RASGRF2: variants seen among roughly 807,000 people sequenced by gnomAD.
RASGRF2 encodes the protein Ras protein specific guanine nucleotide releasing factor 2.
RASGRF2 carries 76 observed loss-of-function variants against 151.0 expected under a neutral mutation model. The ratio of observed to expected loss-of-function variants is 0.50; its 90% confidence interval spans 0.42 to 0.61. The LOEUF is 0.61. RASGRF2 is among the 20% of genes least tolerant of loss of function. The pLI, the probability that RASGRF2 is intolerant of heterozygous loss-of-function variation, is 0.00. For synonymous variants in RASGRF2, 504 were observed against 566.5 expected (o/e 0.89, Z 1.57); for missense variants, 1,148 against 1,564.6 (o/e 0.73, Z 4.49).
intron 1 of RASGRF2, among the ~76,000 whole-genome samples, chr5:81,002,732 T>C (rs1749118429): frequency 6.6e-6 from 1 of 152,208 alleles, no homozygotes; most frequent in Non-Finnish European, 1.5e-5. Context: ...GCCATAATCT[T>C]TCAGGATATT....
chr5:81,073,092 T>A, intron 4 of RASGRF2, 107 bp from the exon 5 acceptor site: 1 of 1,332,486 alleles, frequency 7.5e-7, no homozygotes, highest in Non-Finnish European at 1.0e-6. Flanking sequence ...TTTTAGAGGT[T>A]ATCATGTTTT....
chr5:81,140,962 A>C (rs1232835179), intron 17 of RASGRF2, among the ~76,000 whole-genome samples: 1 of 150,566 alleles, frequency 6.6e-6, no homozygotes, highest in Non-Finnish European at 1.5e-5. Flanking sequence ...GGGCTGCAGG[A>C]CTAGGGCTGT....
intron 17 of RASGRF2, among the ~76,000 whole-genome samples, chr5:81,162,106 C>T (rs1754398253): frequency 6.7e-6 from 1 of 149,226 alleles, no homozygotes; most frequent in Non-Finnish European, 1.5e-5. Flanking sequence ...GCCTGATTTA[C>T]TGAGGAAGGT....
At position 81,104,724 on chromosome 5, in the gene RASGRF2, C is replaced by CAGAA. The variant is rs143266551; in HGVS notation, c.1756-4272_1756-4271insAGAA. On this transcript the variant is annotated intron_variant, in intron 12 of 26. Coordinates refer to ENST00000265080, the MANE Select transcript of RASGRF2 (RefSeq NM_006909.3). Reference sequence around the variant, plus strand: ...TGATCAAAAATGTCTCAGTGTGTCTCTTCTGTTTTTCTCCACAAAGCCTTT... The same window carrying CAGAA: ...TGATCAAAAATGTCTCAGTGTGTCTCAGAATTCTGTTTTTCTCCACAAAGCCTTT... 5.6e-3 allele frequency among the ~76,000 whole-genome samples: 848 copies of CAGAA among 152,252 alleles called. 7 individuals are homozygous for CAGAA. The highest frequency in any genetic ancestry group is 0.02 in the African/African-American group (823 of 41,548).
At chr5:81,127,308 G>A (rs1753484078) in intron 17 of RASGRF2, 145 bp downstream of exon 17, 1 of 816,862 alleles carries the variant, frequency 1.2e-6, no homozygotes, top group South Asian at 1.9e-5. Flanking sequence ...AGGATTGCTT[G>A]AGACCAGTAG....
chr5:80,978,080 C>T (rs6880635), intron 1 of RASGRF2, among the ~76,000 whole-genome samples: 4,318 of 152,052 alleles, frequency 0.028, 146 homozygotes, highest in East Asian at 0.15. Flanking sequence ...CTTTCTGGTA[C>T]GTAAATCCTT....
At chr5:81,034,492 A>T (rs1750393655) in intron 1 of RASGRF2, among the ~76,000 whole-genome samples, 1 of 152,068 alleles carries the variant, frequency 6.6e-6, no homozygotes. Flanking sequence ...ATAAAGACAC[A>T]TGCACACGTA....
intron 18 of RASGRF2, among the ~76,000 whole-genome samples, chr5:81,180,991 C>T (rs113056825): frequency 6.6e-6 from 1 of 152,124 alleles, no homozygotes; most frequent in Non-Finnish European, 1.5e-5. Context: ...CAGGCAGGCC[C>T]TCCTGGACAC....
At chr5:81,175,686 T>C (rs955217487) in intron 17 of RASGRF2, among the ~76,000 whole-genome samples, 15 of 138,512 alleles carry the variant, frequency 1.1e-4, no homozygotes, top group African/African-American at 4.1e-4. Flanking sequence ...AACTGGGAGG[T>C]GGAGGTTGCA....
Position 81,189,842 on chromosome 5 carries a change from G to T in RASGRF2, c.2793+9561G>T, listed in dbSNP as rs1413940358. On this transcript the variant is annotated intron_variant, in intron 18 of 26. Transcript: ENST00000265080. ...TTCTCCTGCCTCAGCCTCCCAAGTAGCTGGGATTACAGGCATGCGCCACCA... is the reference window on the plus strand; with the variant it reads ...TTCTCCTGCCTCAGCCTCCCAAGTATCTGGGATTACAGGCATGCGCCACCA... 1.3e-4 allele frequency among the ~76,000 whole-genome samples: 20 copies of T among 151,484 alleles called. 1 individual carries two copies. Among genetic ancestry groups the T allele is most frequent in the Admixed American group, 1.3e-3 (20 of 15,174 alleles).
chr5:81,012,540 G>A (rs1230810997), intron 1 of RASGRF2, among the ~76,000 whole-genome samples: 5 of 152,002 alleles, frequency 3.3e-5, no homozygotes, highest in African/African-American at 9.7e-5. Flanking sequence ...GGCGTCTGTC[G>A]GCGCCTTCAG....
chr5:81,045,028 G>A (rs1247014338), intron 2 of RASGRF2, among the ~76,000 whole-genome samples: 3 of 152,044 alleles, frequency 2.0e-5, no homozygotes, highest in Non-Finnish European at 4.4e-5. Flanking sequence ...TCATGACCCC[G>A]GCACATGGTT....
chr5:81,016,379 C>T (rs143891014), intron 1 of RASGRF2, among the ~76,000 whole-genome samples: 1 of 152,130 alleles, frequency 6.6e-6, no homozygotes, highest in Non-Finnish European at 1.5e-5. Flanking sequence ...TTTCTCTGTC[C>T]AGATTTTTAT....
chr5:81,040,272 G>C (rs1750638818), intron 1 of RASGRF2, among the ~76,000 whole-genome samples: 1 of 152,190 alleles, frequency 6.6e-6, no homozygotes, highest in Admixed American at 6.5e-5. Flanking sequence ...GCCTCCAAAA[G>C]TGGTGCGATT....
chr5:81,028,933 T>C (rs1040331983), intron 1 of RASGRF2, among the ~76,000 whole-genome samples: 70 of 152,138 alleles, frequency 4.6e-4, no homozygotes, highest in African/African-American at 1.6e-3. Flanking sequence ...ACCTGGAAAA[T>C]TGGGACACTC....
At chr5:81,100,794 TA>T (rs1752678444) in intron 12 of RASGRF2, among the ~76,000 whole-genome samples, 1 of 152,202 alleles carries the variant, frequency 6.6e-6, no homozygotes, top group Admixed American at 6.5e-5. Context: ...TCCCTAAAAA[TA>T]GTTTTTCGGA....
At chr5:81,171,054 A>G (rs1244677402) in intron 17 of RASGRF2, among the ~76,000 whole-genome samples, 1 of 152,198 alleles carries the variant, frequency 6.6e-6, no homozygotes, top group African/African-American at 2.4e-5. Flanking sequence ...AAAATTGAGG[A>G]GAAGAAAATG....
chr5:81,138,904 TTA>T (rs1753818528), intron 17 of RASGRF2, among the ~76,000 whole-genome samples: 1 of 152,176 alleles, frequency 6.6e-6, no homozygotes, highest in Admixed American at 6.5e-5. Context: ...TCTAAGTTCT[TTA>T]TGTGTCAGAG....
chr5:81,208,961 C>T (rs1310649815), intron 22 of RASGRF2, among the ~76,000 whole-genome samples: 1 of 152,186 alleles, frequency 6.6e-6, no homozygotes, highest in Non-Finnish European at 1.5e-5. Flanking sequence ...AAAAGGTTCA[C>T]CTTTGATGGT....
Sources: allele counts gnomAD v4.1 joint callset (sites outside exome capture counted in the v4.1 genomes callset), GRCh38; gene constraint gnomAD v4.1.1; transcripts MANE v1.5; gene names NCBI Gene and HGNC (gene_info 2026-07-23, HGNC 2026-07-21).